Variants in LRRC4C observed in about 807,000 individuals in gnomAD.
The protein encoded by LRRC4C is leucine-rich repeat-containing protein 4C.
A neutral mutation model predicts 33.6 loss-of-function variants in LRRC4C; 5 were observed. That is an observed-to-expected ratio of 0.15 (90% CI 0.08 to 0.31). The LOEUF (loss-of-function observed/expected upper bound fraction) is 0.31. LRRC4C is among the 10% of genes least tolerant of loss of function. LRRC4C has a pLI of 1.00. For synonymous variants in LRRC4C, 329 were observed against 302.0 expected (o/e 1.09, Z -0.93); for missense variants, 560 against 796.7 (o/e 0.70, Z 3.58).
chr11:40,345,165 C>G (rs1015980413), intron 3 of LRRC4C, among the ~76,000 whole-genome samples: 1 of 152,064 alleles, frequency 6.6e-6, no homozygotes, highest in African/African-American at 2.4e-5. Flanking sequence ...ATCAAACTAT[C>G]AATAACATTC....
intron 2 of LRRC4C, among the ~76,000 whole-genome samples, chr11:40,651,546 A>T (rs1591374304): frequency 6.6e-6 from 1 of 152,178 alleles, no homozygotes; most frequent in Non-Finnish European, 1.5e-5. Context: ...TCTATTGGAG[A>T]TCCTCTATAA....
intron 3 of LRRC4C, among the ~76,000 whole-genome samples, chr11:40,419,759 G>C (rs758095679): frequency 2.6e-5 from 4 of 152,200 alleles, no homozygotes; most frequent in Non-Finnish European, 5.9e-5. Context: ...CCAAAAGGCT[G>C]TACCTAATAG....
intron 5 of LRRC4C, among the ~76,000 whole-genome samples, chr11:40,225,773 C>T (rs936347628): frequency 3.3e-5 from 5 of 152,210 alleles, no homozygotes; most frequent in East Asian, 1.9e-4. Flanking sequence ...CCCACCACTA[C>T]ACCCGGCTAA....
chr11:40,928,232 C>T (rs961645777), intron 2 of LRRC4C, among the ~76,000 whole-genome samples: 12 of 150,788 alleles, frequency 8.0e-5, no homozygotes, highest in African/African-American at 2.9e-4. Context: ...CTTTCAGCAT[C>T]CCTTGCCATA....
intron 3 of LRRC4C, among the ~76,000 whole-genome samples, chr11:40,361,048 C>T (rs889990359): frequency 6.6e-6 from 1 of 152,120 alleles, no homozygotes; most frequent in African/African-American, 2.4e-5. Flanking sequence ...GTTCAACATC[C>T]TTCATGTTAA....
intron 1 of LRRC4C, among the ~76,000 whole-genome samples, chr11:41,138,053 G>A (rs1943342643): frequency 6.6e-6 from 1 of 152,164 alleles, no homozygotes; most frequent in South Asian, 2.1e-4. Flanking sequence ...GGAAGGTCTT[G>A]CATCATTTTC....
chr11:40,594,784 A>G (rs1291419940), intron 3 of LRRC4C, among the ~76,000 whole-genome samples: 1 of 152,152 alleles, frequency 6.6e-6, no homozygotes, highest in African/African-American at 2.4e-5. Flanking sequence ...TCAAAATAAC[A>G]TTTGATGTTT....
intron 5 of LRRC4C, among the ~76,000 whole-genome samples, chr11:40,168,602 G>A (rs1344731492): frequency 1.3e-5 from 2 of 152,240 alleles, no homozygotes; most frequent in Non-Finnish European, 2.9e-5. Flanking sequence ...TCAGCCACAT[G>A]GTCCTGCTTT....
At chr11:41,071,278 T>TCCCACC (rs1181061858) in intron 1 of LRRC4C, among the ~76,000 whole-genome samples, 4 of 152,022 alleles carry the variant, frequency 2.6e-5, no homozygotes, top group African/African-American at 9.7e-5. Flanking sequence ...AGGGAAAGCA[T>TCCCACC]TAGGAAAAAT....
intron 5 of LRRC4C, among the ~76,000 whole-genome samples, chr11:40,170,349 A>G (rs1859941411): frequency 1.3e-5 from 2 of 152,238 alleles, no homozygotes; most frequent in Admixed American, 6.5e-5. Context: ...TTGTGCATCC[A>G]AGGAGGTCCT....
rs769251609 is a variant in LRRC4C, at chr11:41,011,675, T to TC, written c.-495-77953_-495-77952insG. Among the ~76,000 whole-genome samples, 7 of 151,886 alleles carry TC rather than the reference T, an allele frequency of 4.6e-5. No individual in the cohort carries two copies. The East Asian group carries it at 9.7e-4, about 21-fold the overall frequency. Reference sequence around the variant, plus strand: ...GTACTCCAAATTGCCCCCTGAGACATAGTGAGTGAAGTAATGGTTATGGAG... The same window carrying TC: ...GTACTCCAAATTGCCCCCTGAGACATCAGTGAGTGAAGTAATGGTTATGGAG... On this transcript the variant is annotated intron_variant, in intron 1 of 6. Transcript: ENST00000528697.
chr11:40,691,612 A>G (rs1472839941), intron 2 of LRRC4C, among the ~76,000 whole-genome samples: 3 of 152,106 alleles, frequency 2.0e-5, no homozygotes, highest in Non-Finnish European at 2.9e-5. Context: ...CTTCTCCACA[A>G]TGGTGAGCTT....
intron 1 of LRRC4C, among the ~76,000 whole-genome samples, chr11:41,423,580 A>G (rs946029712): frequency 6.6e-6 from 1 of 152,120 alleles, no homozygotes; most frequent in African/African-American, 2.4e-5. Flanking sequence ...TTCTGGAGAC[A>G]TCATAGACGA....
intron 1 of LRRC4C, among the ~76,000 whole-genome samples, chr11:40,947,889 C>T (rs1958480235): frequency 6.6e-6 from 1 of 152,134 alleles, no homozygotes; most frequent in South Asian, 2.1e-4. Flanking sequence ...TCATTTGTTT[C>T]CCTCCATAAT....
chr11:40,218,203 G>A (rs191476949), intron 5 of LRRC4C, among the ~76,000 whole-genome samples: 1 of 152,054 alleles, frequency 6.6e-6, no homozygotes, highest in Non-Finnish European at 1.5e-5. Context: ...CCTTTAGCAT[G>A]ATGACCTATA....
chr11:41,252,182 G>C (rs531881288), intron 1 of LRRC4C, among the ~76,000 whole-genome samples: 5 of 152,288 alleles, frequency 3.3e-5, no homozygotes, highest in African/African-American at 7.2e-5. Context: ...AAAAGCAGGA[G>C]GGTTTTAAGT....
intron 5 of LRRC4C, among the ~76,000 whole-genome samples, chr11:40,198,716 C>T (rs1590685633): frequency 6.6e-6 from 1 of 152,168 alleles, no homozygotes; most frequent in Non-Finnish European, 1.5e-5. Context: ...TATTTACATT[C>T]CTCCAGTCTG....
chr11:40,428,470 C>T (rs974447537), intron 3 of LRRC4C, among the ~76,000 whole-genome samples: 9 of 152,114 alleles, frequency 5.9e-5, no homozygotes, highest in Admixed American at 1.3e-4. Context: ...AAATAACTTA[C>T]GAGTGATGGT....
At chr11:40,550,234 T>G (rs1343602445) in intron 3 of LRRC4C, among the ~76,000 whole-genome samples, 1 of 152,108 alleles carries the variant, frequency 6.6e-6, no homozygotes, top group Non-Finnish European at 1.5e-5. Context: ...AGGCATATGT[T>G]TAATGTGTAT....
Sources: allele counts gnomAD v4.1 joint callset (sites outside exome capture counted in the v4.1 genomes callset), GRCh38; gene constraint gnomAD v4.1.1; transcripts MANE v1.5; gene names NCBI Gene and HGNC (gene_info 2026-07-23, HGNC 2026-07-21).